Variants in COL24A1 observed in about 807,000 individuals in gnomAD.
COL24A1 encodes the protein collagen alpha-1(XXIV) chain.
A neutral mutation model predicts 253.9 loss-of-function variants in COL24A1; 224 were observed. The ratio of observed to expected loss-of-function variants is 0.88; its 90% CI spans 0.79 to 0.99. The LOEUF (loss-of-function observed/expected upper bound fraction) is 0.99, where lower values mean the gene tolerates loss of function less well. COL24A1 is among the 50% of genes least tolerant of loss of function. COL24A1 has a pLI of 0.00. For missense variants in COL24A1, 2,131 were observed against 2,068.5 expected (o/e 1.03, Z -0.59); for synonymous variants, 685 against 673.7 (o/e 1.02, Z -0.26).
intron 19 of COL24A1, among the ~76,000 whole-genome samples, chr1:86,013,108 A>G (rs514185): frequency 0.31 from 47,334 of 152,100 alleles, 7,886 homozygotes; most frequent in Middle Eastern, 0.51. Flanking sequence ...GGCCCAGGGA[A>G]TTGAAGTAAT....
At chr1:85,778,826 A>C (rs1377949272) in intron 52 of COL24A1, among the ~76,000 whole-genome samples, 1 of 150,508 alleles carries the variant, frequency 6.6e-6, no homozygotes, top group Non-Finnish European at 1.5e-5. Context: ...CTGGTCTTGA[A>C]CTCCTGACCT....
intron 1 of COL24A1, 35 bp from the exon 2 acceptor site, chr1:86,146,218 C>A: frequency 6.5e-7 from 1 of 1,549,024 alleles, no homozygotes; most frequent in Non-Finnish European, 8.9e-7. Flanking sequence ...GAAAAACTTA[C>A]TAGTTGGACA....
chr1:85,855,707 C>A (rs1306962314), intron 37 of COL24A1, among the ~76,000 whole-genome samples: 1 of 152,192 alleles, frequency 6.6e-6, no homozygotes, highest in Middle Eastern at 3.4e-3. Context: ...TGATGCTGGC[C>A]TCATGCAATG....
In COL24A1 at chr1:85,889,564, T is replaced by A; in HGVS notation, c.2972A>T (p.Glu991Val). 1 of 1,612,370 alleles carries A rather than the reference T, an allele frequency of 6.2e-7. No homozygotes were observed. The highest frequency in any genetic ancestry group is 1.7e-5 in the Admixed American group (1 of 59,866). The change falls in exon 32 of 60, where the codon GAG becomes GTG. Residue 991 changes from glutamate to valine, a missense_variant. By Grantham distance (121) the Glu-to-Val change is moderately radical. Coordinates refer to ENST00000370571, the MANE Select transcript of COL24A1 (RefSeq NM_152890.7). ...GSTGDRGLPGEPGLRGLQGDV... is the reference protein window; with the variant it reads ...GSTGDRGLPGVPGLRGLQGDV... The stretch of plus-strand genomic sequence containing the variant: ...AAAGTATAAAGATAAACTTACTGGC[T>A]CTCCTGGAAGTCCTCTGTCACCTGT...
intron 21 of COL24A1, among the ~76,000 whole-genome samples, 159 bp from the exon 22 acceptor site, chr1:85,970,430 C>A (rs1277773199): frequency 1.3e-5 from 2 of 152,136 alleles, no homozygotes; most frequent in Non-Finnish European, 2.9e-5. Flanking sequence ...CATCACCCCA[C>A]AACACTTTAG....
intron 19 of COL24A1, among the ~76,000 whole-genome samples, chr1:85,995,113 T>C (rs1694652777): frequency 6.6e-6 from 1 of 152,092 alleles, no homozygotes; most frequent in Non-Finnish European, 1.5e-5. Flanking sequence ...AAAACATATA[T>C]TCTGTGTTCC....
chr1:85,742,705 A>G (rs957160052), intron 57 of COL24A1, among the ~76,000 whole-genome samples: 75 of 152,200 alleles, frequency 4.9e-4, no homozygotes, highest in African/African-American at 1.7e-3. Flanking sequence ...CAGAAAAAAA[A>G]AAAAAACCCT....
intron 9 of COL24A1, among the ~76,000 whole-genome samples, chr1:86,058,182 A>AT (rs1460756557): frequency 6.6e-6 from 1 of 152,056 alleles, no homozygotes; most frequent in Non-Finnish European, 1.5e-5. Context: ...TACACAATAT[A>AT]TTTTAGATAT....
chr1:85,965,505 T>A (rs1229371268), intron 22 of COL24A1, among the ~76,000 whole-genome samples: 1 of 152,092 alleles, frequency 6.6e-6, no homozygotes. Context: ...TTACTTGTAT[T>A]CTTACTGTAG....
chr1:86,121,141 T>C (rs547220349), intron 3 of COL24A1, among the ~76,000 whole-genome samples: 76 of 152,104 alleles, frequency 5.0e-4, no homozygotes, highest in Non-Finnish European at 8.2e-4. Context: ...GGGACTGTCA[T>C]GGGGTGAAGG....
intron 5 of COL24A1, 121 bp downstream of exon 5, chr1:86,112,445 TG>T: frequency 1.3e-6 from 1 of 758,116 alleles, no homozygotes; most frequent in Non-Finnish European, 2.1e-6. Flanking sequence ...AATCATGCTC[TG>T]GAGGTGACAG....
chr1:85,881,322 C>T (rs937397048), intron 32 of COL24A1, among the ~76,000 whole-genome samples: 1 of 152,056 alleles, frequency 6.6e-6, no homozygotes, highest in Non-Finnish European at 1.5e-5. Flanking sequence ...TGGTAAAATA[C>T]GTCTTTTAAG....
At chr1:86,151,984 A>G (rs567134937) in intron 1 of COL24A1, among the ~76,000 whole-genome samples, 2 of 152,334 alleles carry the variant, frequency 1.3e-5, no homozygotes, top group Admixed American at 6.5e-5. Context: ...CTACGTTTAC[A>G]TGCCAAAAAC....
At chr1:85,791,581 G>A (rs1175707740) in intron 47 of COL24A1, among the ~76,000 whole-genome samples, 1 of 152,082 alleles carries the variant, frequency 6.6e-6, no homozygotes, top group Non-Finnish European at 1.5e-5. Flanking sequence ...CTTACAATTG[G>A]AAATGATTAA....
chr1:86,098,510 A>G (rs1304361916), intron 5 of COL24A1, among the ~76,000 whole-genome samples: 1 of 152,200 alleles, frequency 6.6e-6, no homozygotes, highest in African/African-American at 2.4e-5. Flanking sequence ...GAACATAAAT[A>G]TCAGCTGCTG....
At chr1:85,917,554 T>C (rs558277338) in intron 24 of COL24A1, among the ~76,000 whole-genome samples, 9 of 152,132 alleles carry the variant, frequency 5.9e-5, no homozygotes, top group Admixed American at 2.0e-4. Flanking sequence ...TATTTATTCA[T>C]GTTTTGGGCT....
chr1:85,772,252 A>G (rs1248528905), intron 53 of COL24A1, among the ~76,000 whole-genome samples: 5 of 151,900 alleles, frequency 3.3e-5, no homozygotes, highest in African/African-American at 1.2e-4. Flanking sequence ...CAAAACTACA[A>G]TGAGATACCA....
chr1:85,739,334 T>G (rs1236572069), intron 57 of COL24A1, among the ~76,000 whole-genome samples: 1 of 152,174 alleles, frequency 6.6e-6, no homozygotes, highest in Non-Finnish European at 1.5e-5. Flanking sequence ...AGGTGTTATA[T>G]TCTATTTGGG....
intron 16 of COL24A1, 96 bp from the exon 17 acceptor site, chr1:86,022,687 AT>A (rs1367579640): frequency 7.2e-7 from 1 of 1,387,680 alleles, no homozygotes; most frequent in African/African-American, 1.5e-5. Context: ...TAATTTCTCT[AT>A]TTTTCTTACT....
Sources: allele counts gnomAD v4.1 joint callset (sites outside exome capture counted in the v4.1 genomes callset), GRCh38; gene constraint gnomAD v4.1.1; transcripts MANE v1.5; gene names NCBI Gene and HGNC (gene_info 2026-07-23, HGNC 2026-07-21).